Variants in CPEB1 observed in about 807,000 individuals in gnomAD.
CPEB1 encodes cytoplasmic polyadenylation element binding protein 1, also known as cytoplasmic polyadenylation element-binding protein 1.
In CPEB1, 7 loss-of-function variants were observed where a neutral mutation model predicts 65.8. The observed-to-expected ratio is 0.11, with a 90% CI of 0.06 to 0.20. The LOEUF is 0.20. Ranked by LOEUF, CPEB1 falls within the 10% of genes least tolerant of loss-of-function variation. The pLI, the probability that CPEB1 is intolerant of heterozygous loss-of-function variation, is 1.00. For missense variants in CPEB1, 551 were observed against 712.2 expected (o/e 0.77, Z 2.58); for synonymous variants, 262 against 260.0 (o/e 1.01, Z -0.08).
intron 4 of CPEB1, among the ~76,000 whole-genome samples, chr15:82,558,684 C>T (rs906041298): frequency 1.3e-5 from 2 of 152,176 alleles, no homozygotes; most frequent in East Asian, 3.9e-4. Flanking sequence ...CCTCTGTTTT[C>T]TCACTGGCAT....
chr15:82,573,246 T>C, intron 3 of CPEB1: 6 of 1,326,042 alleles, frequency 4.5e-6, no homozygotes, highest in Non-Finnish European at 6.0e-6. Flanking sequence ...TTTTTTTTTT[T>C]TTTAAAGCTT....
At chr15:82,570,726 A>G (rs978639460) in intron 4 of CPEB1, among the ~76,000 whole-genome samples, 6 of 149,040 alleles carry the variant, frequency 4.0e-5, no homozygotes, top group African/African-American at 7.4e-5. Context: ...ACACAAAGGG[A>G]AAAAAAAAAA....
chr15:82,614,145 G>A (rs368133149), intron 3 of CPEB1, among the ~76,000 whole-genome samples: 1 of 151,966 alleles, frequency 6.6e-6, no homozygotes, highest in East Asian at 1.9e-4. Context: ...CGTCCTCTTC[G>A]TCACTCCTAA....
At chr15:82,634,016 G>C (rs1458196443) in intron 1 of CPEB1, among the ~76,000 whole-genome samples, 1 of 151,388 alleles carries the variant, frequency 6.6e-6, no homozygotes, top group African/African-American at 2.4e-5. Flanking sequence ...GTAGTAGTCA[G>C]AAATACATAA....
In CPEB1 at chr15:82,544,663, G is replaced by A. The variant is rs2034844086; in HGVS notation, c.1696C>T (p.Arg566Trp). Reference protein sequence around the residue: ...KYFCRSCWHWRHSMEGLRHHS... With the variant: ...KYFCRSCWHWWHSMEGLRHHS... ...TGGCGCAGGCCCTCCATGCTGTGCC[G>A]CCAGTGCCAGCAGCTCCGGCAGAAG... is the stretch of plus-strand genomic sequence containing the variant. Residue 566 changes from arginine (R) to tryptophan (W), a missense_variant, in exon 13 of 13, where the codon CGG becomes TGG. Transcript: ENST00000684509. 3 of 1,613,400 alleles carry A rather than the reference G, an allele frequency of 1.9e-6. No homozygotes were observed. Among genetic ancestry groups the A allele is most frequent in the East Asian group, 2.2e-5 (1 of 44,888 alleles).
At position 82,591,163 on chromosome 15, in the gene CPEB1, G is replaced by A. The variant is rs1286252069; in HGVS notation, c.272-19631C>T. 4.0e-5 allele frequency among the ~76,000 whole-genome samples: 6 copies of A among 151,868 alleles called. No individual in the cohort carries two copies. The East Asian group carries it at 5.8e-4, about 15-fold the overall frequency. Reference sequence around the variant, plus strand: ...GTGTAAGCGTTCCCTTTTCCCCCCCGCCACAATCTTACCAGCATCTATTAT... The same window carrying A: ...GTGTAAGCGTTCCCTTTTCCCCCCCACCACAATCTTACCAGCATCTATTAT... On this transcript the variant is annotated intron_variant, in intron 3 of 12. Transcript: ENST00000684509.
chr15:82,577,772 C>G (rs1379835020), intron 3 of CPEB1, among the ~76,000 whole-genome samples: 1 of 152,036 alleles, frequency 6.6e-6, no homozygotes, highest in African/African-American at 2.4e-5. Flanking sequence ...ATCTGCCTGC[C>G]CCAGCCTCAC....
chr15:82,622,417 C>T (rs1018232773), intron 3 of CPEB1, among the ~76,000 whole-genome samples: 2 of 152,246 alleles, frequency 1.3e-5, no homozygotes, highest in Admixed American at 1.3e-4. Flanking sequence ...CCCGCCACAT[C>T]TCTCTCCAGA....
In CPEB1 at chr15:82,547,241, G is replaced by A. The variant is rs1356453826; in HGVS notation, c.1481-4C>T. The A allele has an allele frequency of 1.9e-6, 3 of 1,568,616 alleles. No homozygotes were observed. The highest frequency in any genetic ancestry group is 2.2e-5 in the East Asian group (1 of 44,464). On this transcript the variant is annotated splice_region_variant and splice_polypyrimidine_tract_variant and intron_variant, in intron 10 of 12. Coordinates refer to ENST00000684509, the MANE Select transcript of CPEB1 (RefSeq NM_001365242.1). The stretch of plus-strand genomic sequence containing the variant: ...TTGAAAGTCACACGACCAGAACCTA[G>A]GACAACAGACACAAGCTTCCCTTCT...
intron 3 of CPEB1, among the ~76,000 whole-genome samples, chr15:82,622,773 C>G (rs1567228933): frequency 6.6e-6 from 1 of 152,180 alleles, no homozygotes; most frequent in Admixed American, 6.5e-5. Flanking sequence ...TCAACCTTGT[C>G]TTCTTTCTTG....
upstream of CPEB1, chr15:82,647,810 C>T (rs1567248061): frequency 1.6e-6 from 2 of 1,279,330 alleles, no homozygotes; most frequent in South Asian, 2.5e-5. Flanking sequence ...TTAGCTACTG[C>T]GGCCGGGACG....
At chr15:82,641,913 C>A (rs759380133) in intron 1 of CPEB1, among the ~76,000 whole-genome samples, 47 of 152,140 alleles carry the variant, frequency 3.1e-4, no homozygotes, top group Non-Finnish European at 5.9e-4. Context: ...TAACATTGGG[C>A]TTTAAAATGA....
At chr15:82,624,660 A>T (rs2045600290) in intron 3 of CPEB1, among the ~76,000 whole-genome samples, 1 of 152,194 alleles carries the variant, frequency 6.6e-6, no homozygotes, top group African/African-American at 2.4e-5. Context: ...CTCCCTGGAC[A>T]GCTGCAAACA....
At chr15:82,603,970 A>C (rs961966240) in intron 3 of CPEB1, among the ~76,000 whole-genome samples, 1 of 152,242 alleles carries the variant, frequency 6.6e-6, no homozygotes, top group African/African-American at 2.4e-5. Context: ...TGGGGGAAAA[A>C]ATCACTAAAA....
At chr15:82,563,133 C>T (rs1028631486) in intron 4 of CPEB1, among the ~76,000 whole-genome samples, 4 of 152,136 alleles carry the variant, frequency 2.6e-5, no homozygotes, top group African/African-American at 9.7e-5. Context: ...ACATTCAAGA[C>T]AACCCAAGGG....
rs748177966 is a variant in CPEB1 at position 82,628,372 on chromosome 15, T to C, written c.88A>G (p.Ile30Val). 12 of 702,698 alleles carry C rather than the reference T, an allele frequency of 1.7e-5. No individual in the cohort carries two copies. The highest frequency in any genetic ancestry group is 4.0e-5 in the Admixed American group (2 of 49,988). 43.5% of individuals were successfully genotyped at this position (702,698 alleles called of 1,614,324 possible). ...HSSLSDCLLL[I>V]PLEEEAGRIK... Reference sequence around the variant, plus strand: ...TCCAAGAGTTAACATACCAGAGGAATTAGCAGAAGACAATCTGATAGAGAT... The same window carrying C: ...TCCAAGAGTTAACATACCAGAGGAACTAGCAGAAGACAATCTGATAGAGAT... Residue 30 changes from isoleucine to valine, a missense_variant, in exon 2 of 13, where the codon ATT becomes GTT. Physicochemically the swap from Ile to Val is conservative, Grantham distance 29. This residue lies in a region of CPEB1 where 223 missense variants were observed against 228.6 expected (regional missense o/e 0.98). Coordinates refer to ENST00000684509, the MANE Select transcript of CPEB1 (RefSeq NM_001365242.1).
Position 82,557,748 on chromosome 15 carries a change from T to G in CPEB1, c.687+12A>C. The G allele has an allele frequency of 5.7e-5, 92 of 1,609,920 alleles. No homozygotes were observed. The highest frequency in any genetic ancestry group is 7.1e-5 in the Non-Finnish European group (83 of 1,176,850). Reference sequence around the variant, plus strand: ...CCACCCACAACTCCCCTTTCCCAAATGAGTTACATACAATCAAATCTGAGA... The same window carrying G: ...CCACCCACAACTCCCCTTTCCCAAAGGAGTTACATACAATCAAATCTGAGA... On this transcript the variant is annotated intron_variant, in intron 5 of 12. Coordinates refer to ENST00000684509, the MANE Select transcript of CPEB1 (RefSeq NM_001365242.1).
chr15:82,590,209 C>CAAA (rs5814120), intron 3 of CPEB1, among the ~76,000 whole-genome samples: 52 of 104,132 alleles, frequency 5.0e-4, no homozygotes, highest in South Asian at 2.0e-3. Context: ...ATCCCTTTGA[C>CAAA]AAAAAAAAAA....
chr15:82,579,313 T>C (rs56061689), intron 3 of CPEB1, among the ~76,000 whole-genome samples: 4 of 151,998 alleles, frequency 2.6e-5, no homozygotes, highest in Non-Finnish European at 4.4e-5. Flanking sequence ...GTAAGACAAA[T>C]AGCTGGACAT....
Sources: gnomAD v4.1 joint callset for allele counts (sites outside exome capture counted in the v4.1 genomes callset) on GRCh38, gnomAD v4.1.1 for gene constraint, gnomAD v4.1.1 regional missense constraint, MANE v1.5 for transcripts, NCBI Gene and HGNC (gene_info 2026-07-23, HGNC 2026-07-21) for gene names.